The following BRI3 variants were observed in gnomAD, a reference collection of about 807,000 sequenced individuals.
BRI3 encodes membrane protein BRI3.
BRI3 carries 6 observed loss-of-function variants against 12.8 expected under a neutral mutation model. That is an observed-to-expected ratio of 0.47 (90% CI 0.26 to 0.93). The LOEUF is 0.93. BRI3 is among the 40% of genes least tolerant of loss of function. The pLI is 0.15. For missense variants in BRI3, 134 were observed against 171.1 expected (o/e 0.78, Z 1.21); for synonymous variants, 91 against 76.1 (o/e 1.20, Z -1.02).
chr7:98,300,703 C>T (rs1020145177), intron 1 of BRI3, among the ~76,000 whole-genome samples: 7 of 152,140 alleles, frequency 4.6e-5, no homozygotes, highest in South Asian at 2.1e-4. Context: ...CCGTGAGGTG[C>T]GAAGGGTGTG....
At chr7:98,304,029 G>C (rs574038116), upstream of BRI3, among the ~76,000 whole-genome samples, 87 of 152,304 alleles carry the variant, frequency 5.7e-4, 1 homozygote, top group African/African-American at 2.0e-3. Flanking sequence ...TGACAAAGAA[G>C]GGAATCTAGA....
At chr7:98,320,057 C>T in the BRI3 span, 2 of 1,612,256 alleles carry the variant, frequency 1.2e-6, no homozygotes, top group South Asian at 1.1e-5. Context: ...CATGCACTTA[C>T]GTTCATATAT....
At chr7:98,317,105 G>A in the BRI3 span, 123 of 1,330,788 alleles carry the variant, frequency 9.2e-5, no homozygotes, top group South Asian at 5.2e-4. Context: ...CTACTGCCTC[G>A]GCCTCCCAAA....
chr7:98,314,492 A>G (rs1800997602), downstream of BRI3, among the ~76,000 whole-genome samples: 1 of 151,982 alleles, frequency 6.6e-6, no homozygotes, highest in Non-Finnish European at 1.5e-5. Context: ...GATGTTTACA[A>G]AGGCCCAACA....
At chr7:98,318,450 G>A in the BRI3 span, among the ~76,000 whole-genome samples, 3 of 151,564 alleles carry the variant, frequency 2.0e-5, no homozygotes, top group African/African-American at 7.3e-5. Context: ...AACCACGCCC[G>A]GCTGTATTTT....
At chr7:98,283,932 G>T (rs1799622039) in intron 2 of BRI3, among the ~76,000 whole-genome samples, 1 of 152,214 alleles carries the variant, frequency 6.6e-6, no homozygotes, top group African/African-American at 2.4e-5. Flanking sequence ...CGCAGTTGCT[G>T]TCGGTATGGG....
chr7:98,315,492 A>T, the BRI3 span: 3 of 1,507,972 alleles, frequency 2.0e-6, no homozygotes, highest in Non-Finnish European at 8.9e-7. Flanking sequence ...TGGTTTGCAA[A>T]GCCACAGTGC....
In BRI3 at chr7:98,307,512, C is replaced by G. The variant is rs1187929680; in HGVS notation, n.145-3C>G. On this transcript the variant is annotated splice_polypyrimidine_tract_variant and splice_region_variant and intron_variant and non_coding_transcript_variant, in intron 1 of 1. Coordinates refer to the BRI3 transcript ENST00000485422. ...TGCACCAAATGTATCTCTACATGCA[C>G]AGACATACAGAAAATAGCCTGGGAT... 5 of 1,445,020 alleles carry G rather than the reference C, an allele frequency of 3.5e-6. No individual in the cohort carries two copies. The East Asian group carries it at 1.0e-4, about 29-fold the overall frequency. 89.5% of individuals were successfully genotyped at this position (1,445,020 alleles called of 1,614,324 possible).
chr7:98,319,548 C>CTTTT, the BRI3 span, among the ~76,000 whole-genome samples: 1 of 138,554 alleles, frequency 7.2e-6, no homozygotes, highest in Non-Finnish European at 1.5e-5. Context: ...TTTCCTATGC[C>CTTTT]TTTTTTTTTT....
chr7:98,289,690 T>A (rs1022409380), intron 2 of BRI3, among the ~76,000 whole-genome samples: 9 of 152,134 alleles, frequency 5.9e-5, no homozygotes, highest in Non-Finnish European at 1.2e-4. Flanking sequence ...AAGGAGCCCG[T>A]TGGGGTCTGC....
At chr7:98,312,378 G>A, downstream of BRI3, 3 of 1,176,996 alleles carry the variant, frequency 2.5e-6, no homozygotes, top group Non-Finnish European at 2.4e-6. Flanking sequence ...CCAGGAGTGT[G>A]GGGGCCCTGG....
At chr7:98,315,624 AAAAT>A in the BRI3 span, 26 of 1,171,986 alleles carry the variant, frequency 2.2e-5, no homozygotes, top group African/African-American at 2.7e-4. Context: ...TAAAAAAAAA[AAAAT>A]AATAATAATA....
chr7:98,282,522 CT>C (rs1799560952), intron 2 of BRI3, 69 bp downstream of exon 2: 4 of 1,300,924 alleles, frequency 3.1e-6, no homozygotes, highest in Middle Eastern at 1.8e-4. Flanking sequence ...CCCCCAGGAC[CT>C]CACAGCTCTG....
downstream of BRI3, chr7:98,293,943 C>A: frequency 9.3e-7 from 1 of 1,076,844 alleles, no homozygotes; most frequent in South Asian, 1.4e-5. Context: ...GGCTGCACTC[C>A]CCCATGGCTC....
chr7:98,288,036 G>A (rs557866134), intron 2 of BRI3, among the ~76,000 whole-genome samples: 4 of 152,312 alleles, frequency 2.6e-5, no homozygotes, highest in South Asian at 2.1e-4. Flanking sequence ...GTGACACTGG[G>A]GACCACTCTG....
chr7:98,289,149 G>T (rs1221280235), intron 2 of BRI3, among the ~76,000 whole-genome samples: 1 of 152,058 alleles, frequency 6.6e-6, no homozygotes, highest in African/African-American at 2.4e-5. Context: ...GTAGAAACGC[G>T]GTTTCACCAT....
intron 2 of BRI3, among the ~76,000 whole-genome samples, chr7:98,283,833 C>G (rs2116701839): frequency 6.6e-6 from 1 of 152,288 alleles, no homozygotes; most frequent in Middle Eastern, 3.4e-3. Context: ...CTCTTCTCTG[C>G]CCAAACCCCT....
chr7:98,306,737 T>G, intron 1 of BRI3: 1 of 616,454 alleles, frequency 1.6e-6, no homozygotes, highest in South Asian at 2.0e-5. Flanking sequence ...AGACAGGGTC[T>G]CGCTCTGTTG....
upstream of BRI3, among the ~76,000 whole-genome samples, chr7:98,304,901 T>TA (rs1334485544): frequency 5.4e-4 from 82 of 151,374 alleles, no homozygotes; most frequent in Admixed American, 2.4e-3. Context: ...GTTTCCCTCT[T>TA]ATTGTCCAGG....
Sources: gnomAD v4.1 joint callset for allele counts (sites outside exome capture counted in the v4.1 genomes callset) on GRCh38, gnomAD v4.1.1 for gene constraint, MANE v1.5 for transcripts, NCBI Gene and HGNC (gene_info 2026-07-23, HGNC 2026-07-21) for gene names.